CCDC85A: variants seen among roughly 807,000 people sequenced by gnomAD.
CCDC85A encodes coiled-coil domain containing 85A.
Under a neutral mutation model 50.2 loss-of-function variants are expected in CCDC85A, and 38 were observed. The observed-to-expected ratio is 0.76, with a 90% CI of 0.58 to 0.99. The LOEUF is 0.99. Among genes scored for constraint, CCDC85A ranks in the 50% least tolerant of loss-of-function variants. CCDC85A has a pLI of 0.00. For synonymous variants in CCDC85A, 366 were observed against 301.4 expected, an observed-to-expected ratio of 1.21 and a Z score of -2.22; for missense variants, 820 against 742.0, an observed-to-expected ratio of 1.11 and a Z score of -1.22.
In CCDC85A at chr2:56,193,190, G is replaced by T. The variant is rs1387380862; in HGVS notation, c.990G>T (p.Arg330Ser). The T allele has an allele frequency of 6.2e-7, 1 of 1,612,524 alleles. No individual in the cohort carries two copies. Among genetic ancestry groups the T allele is most frequent in the African/African-American group, 1.3e-5 (1 of 74,542 alleles). ...CAGGGAGCAGCCCTGAACACGCCAG[G>T]CACAGTGGAGGGAGCCCGGAGCATC... ...HRSGSSPEHA[R>S]HSGGSPEHLQ... Residue 330 changes from arginine (R) to serine (S), a missense_variant, in exon 2 of 6, where the codon AGG (arginine) becomes AGT (serine). Coordinates refer to ENST00000407595, the MANE Select transcript of CCDC85A (RefSeq NM_001080433.2).
At chr2:56,269,947 C>G (rs1007140140) in intron 2 of CCDC85A, among the ~76,000 whole-genome samples, 4 of 152,176 alleles carry the variant, frequency 2.6e-5, no homozygotes, top group African/African-American at 9.7e-5. Flanking sequence ...GTCGGTTGTT[C>G]TGCTATTACC....
rs1476371616 is a variant in CCDC85A at position 56,385,837 on chromosome 2, T to C, written c.*1482T>C. On this transcript the variant is annotated 3_prime_UTR_variant, in exon 6 of 6. Transcript: ENST00000407595. Reference sequence around the variant, plus strand: ...TATAGAATTATCTCTCTAATTATCATAATTGGGTTACAATTTAAGCTCCCC... The same window carrying C: ...TATAGAATTATCTCTCTAATTATCACAATTGGGTTACAATTTAAGCTCCCC... 2 of 151,772 alleles carry C rather than the reference T, an allele frequency of 1.3e-5. No homozygotes were observed. Among genetic ancestry groups the C allele is most frequent in the Non-Finnish European group, 3.0e-5 (2 of 67,780 alleles). The allele number at this position is 151,772 out of a possible 1,614,324, so 9.4% of individuals were successfully genotyped here.
chr2:56,360,505 C>G (rs552865048), intron 3 of CCDC85A, among the ~76,000 whole-genome samples: 2 of 152,270 alleles, frequency 1.3e-5, no homozygotes, highest in East Asian at 1.9e-4. Flanking sequence ...GATTGTTTTT[C>G]AGGATAATGC....
intron 3 of CCDC85A, among the ~76,000 whole-genome samples, chr2:56,365,064 C>T (rs950182439): frequency 7.9e-5 from 12 of 152,296 alleles, no homozygotes; most frequent in Admixed American, 2.0e-4. Context: ...ATGTTGGACT[C>T]AGCTTTTGCT....
At chr2:56,189,312 T>TTTTTTTTTTTTTTTTTA (rs1572998269) in intron 1 of CCDC85A, among the ~76,000 whole-genome samples, 3 of 149,856 alleles carry the variant, frequency 2.0e-5, no homozygotes, top group Non-Finnish European at 3.0e-5. Flanking sequence ...TTTTTTTTTT[T>TTTTTTTTTTTTTTTTTA]GAGACAAGGT....
At chr2:56,277,150 T>C (rs2104088646) in intron 2 of CCDC85A, among the ~76,000 whole-genome samples, 1 of 152,334 alleles carries the variant, frequency 6.6e-6, no homozygotes, top group South Asian at 2.1e-4. Context: ...ATGAGGAAGC[T>C]GGATCCTGGG....
intron 2 of CCDC85A, among the ~76,000 whole-genome samples, chr2:56,217,117 A>G (rs1481139204): frequency 6.6e-6 from 1 of 151,948 alleles, no homozygotes; most frequent in Non-Finnish European, 1.5e-5. Flanking sequence ...GTTAGAGGTA[A>G]TACAAATGAG....
At chr2:56,227,149 TG>T (rs1668577542) in intron 2 of CCDC85A, among the ~76,000 whole-genome samples, 1 of 152,214 alleles carries the variant, frequency 6.6e-6, no homozygotes, top group Non-Finnish European at 1.5e-5. Flanking sequence ...AATGGCTTGT[TG>T]TTTCTAGTGT....
Position 56,184,044 on chromosome 2 carries a change from C to G in CCDC85A, c.-581C>G, listed in dbSNP as rs2103793297. 1 of 984,844 alleles carries G rather than the reference C, an allele frequency of 1.0e-6. No homozygotes were observed. Among genetic ancestry groups the G allele is most frequent in the South Asian group, 4.7e-5 (1 of 21,280 alleles). 61.0% of individuals were successfully genotyped at this position (984,844 alleles called of 1,614,324 possible). A position where few individuals can be genotyped will look rare whatever the true frequency, so the allele number is the denominator to read the frequency against. On this transcript the variant is annotated 5_prime_UTR_variant, in exon 1 of 6. Coordinates refer to ENST00000407595, the MANE Select transcript of CCDC85A (RefSeq NM_001080433.2). ...CTTTCCGGAGCAGCCTAGGAGCGGC[C>G]GCGGGCGCAGCGAAGGCGGCAGGAG...
At chr2:56,375,068 C>G (rs1280007052) in intron 4 of CCDC85A, among the ~76,000 whole-genome samples, 2 of 152,158 alleles carry the variant, frequency 1.3e-5, no homozygotes, top group African/African-American at 4.8e-5. Context: ...AACTGATACT[C>G]TCTTTTTCTT....
rs996870402 is a variant in CCDC85A, at chr2:56,192,113, A to T, written c.277-364A>T. Among the ~76,000 whole-genome samples, 2 of 152,156 alleles carry T rather than the reference A, an allele frequency of 1.3e-5. No homozygotes were observed. The highest frequency in any genetic ancestry group is 1.3e-4 in the Admixed American group (2 of 15,280). On this transcript the variant is annotated intron_variant, in intron 1 of 5. Transcript: ENST00000407595. The surrounding 1 kb of genome is among the most constrained non-coding windows in gnomAD (Gnocchi z 4.7). ...CTTCTGTATAAGAGCCATAATAATT[A>T]TTATCCCCTAAATGTTTGGGTAAAA... is the stretch of plus-strand genomic sequence containing the variant.
intron 3 of CCDC85A, among the ~76,000 whole-genome samples, chr2:56,370,882 A>G (rs1676036920): frequency 6.6e-6 from 1 of 152,170 alleles, no homozygotes; most frequent in Admixed American, 6.5e-5. Context: ...GGTGCATGTT[A>G]TGGAAATAAT....
Position 56,184,662 on chromosome 2 carries a change from C to T in CCDC85A, c.38C>T (p.Ala13Val), listed in dbSNP as rs573551108. 9.6e-6 allele frequency: 14 copies of T among 1,455,798 alleles called. No individual in the cohort carries two copies. The highest frequency in any genetic ancestry group is 2.8e-5 in the East Asian group (1 of 35,212). 90.2% of individuals were successfully genotyped at this position (1,455,798 alleles called of 1,614,324 possible). A position where few individuals can be genotyped will look rare whatever the true frequency, so the allele number is the denominator to read the frequency against. The change falls in exon 1 of 6, where the codon GCG (alanine) becomes GTG (valine). Residue 13 changes from alanine to valine, a missense_variant. Transcript: ENST00000407595. The part of the protein sequence containing the change: ...KAAGGAAAAA[A>V]AAESCSPAPA... Reference sequence around the variant, plus strand: ...GCCGGAGGCGCGGCGGCGGCTGCGGCGGCGGCGGAAAGTTGTTCCCCAGCC... The same window carrying T: ...GCCGGAGGCGCGGCGGCGGCTGCGGTGGCGGCGGAAAGTTGTTCCCCAGCC...
intron 3 of CCDC85A, among the ~76,000 whole-genome samples, chr2:56,371,109 T>G (rs1440628171): frequency 6.6e-6 from 1 of 152,108 alleles, no homozygotes; most frequent in Non-Finnish European, 1.5e-5. Context: ...ATGTTCAAAT[T>G]AATGTTGCTA....
intron 2 of CCDC85A, among the ~76,000 whole-genome samples, chr2:56,253,596 T>C (rs1176467280): frequency 2.0e-5 from 3 of 151,960 alleles, no homozygotes; most frequent in African/African-American, 7.3e-5. Flanking sequence ...TGAATAGGGG[T>C]CAGGGTGAAT....
rs1325052675 is a variant in CCDC85A at position 56,184,716 on chromosome 2, C to T, written c.92C>T (p.Ala31Val). ...APAGSSAAPP[A>V]PVEDLSKVSD... ...GCCGGCTCGTCCGCGGCCCCGCCCG[C>T]GCCGGTGGAGGACCTGTCCAAAGTG... is the stretch of plus-strand genomic sequence containing the variant. The change falls in exon 1 of 6, where the codon GCG becomes GTG. Residue 31 changes from alanine (A) to valine (V), a missense_variant. By Grantham distance (64) the Ala-to-Val change is moderately conservative. Coordinates refer to ENST00000407595, the MANE Select transcript of CCDC85A (RefSeq NM_001080433.2). The T allele has an allele frequency of 6.5e-7, 1 of 1,530,628 alleles. No homozygotes were observed. The highest frequency in any genetic ancestry group is 8.8e-7 in the Non-Finnish European group (1 of 1,141,852). 94.8% of individuals were successfully genotyped at this position (1,530,628 alleles called of 1,614,324 possible). A position where few individuals can be genotyped will look rare whatever the true frequency, so the allele number is the denominator to read the frequency against.
chr2:56,254,682 AAT>A (rs1035849658), intron 2 of CCDC85A, among the ~76,000 whole-genome samples: 2 of 152,174 alleles, frequency 1.3e-5, no homozygotes, highest in African/African-American at 4.8e-5. Context: ...CCAACAAATA[AAT>A]AACACTGATG....
intron 3 of CCDC85A, 61 bp downstream of exon 3, chr2:56,343,016 G>T: frequency 8.5e-7 from 1 of 1,180,774 alleles, no homozygotes; most frequent in African/African-American, 1.5e-5. Flanking sequence ...TATTTTATTT[G>T]GAATTTAAAA....
chr2:56,194,082 C>G (rs886528341), intron 2 of CCDC85A, among the ~76,000 whole-genome samples: 1 of 152,182 alleles, frequency 6.6e-6, no homozygotes, highest in Non-Finnish European at 1.5e-5. Context: ...TCTACTCACT[C>G]AAAATCCACC....
Sources: gnomAD v4.1 joint callset for allele counts (sites outside exome capture counted in the v4.1 genomes callset) on GRCh38, gnomAD v4.1.1 for gene constraint, Gnocchi (gnomAD v3.1) non-coding constraint, MANE v1.5 for transcripts, NCBI Gene and HGNC (gene_info 2026-07-23, HGNC 2026-07-21) for gene names.